Variants in MAST4 observed in about 807,000 individuals in gnomAD.
MAST4 encodes the protein microtubule-associated serine/threonine-protein kinase 4.
MAST4 carries 89 observed loss-of-function variants against 162.7 expected under a neutral mutation model. The ratio of observed to expected loss-of-function variants is 0.55; its 90% CI spans 0.46 to 0.65. MAST4 has a LOEUF of 0.65. Ranked by LOEUF, MAST4 falls within the 30% of genes least tolerant of loss-of-function variation. The pLI is 0.00. For missense variants in MAST4, 3,153 were observed against 3,374.0 expected (o/e 0.93, Z 1.62); for synonymous variants, 1,479 against 1,361.1 (o/e 1.09, Z -1.91).
chr5:67,152,496 A>G (rs1771952628), intron 24 of MAST4, 141 bp from the exon 25 acceptor site: 5 of 663,828 alleles, frequency 7.5e-6, no homozygotes, highest in African/African-American at 7.2e-5. Flanking sequence ...GTATTATTTC[A>G]TCTTCATTTT....
intron 14 of MAST4, among the ~76,000 whole-genome samples, chr5:67,124,412 T>TTC (rs1198468929): frequency 6.6e-6 from 1 of 152,194 alleles, no homozygotes; most frequent in African/African-American, 2.4e-5. Context: ...CTCTTCTTGT[T>TTC]TCTCTCTGTC....
chr5:66,824,168 T>C (rs1757129366), intron 3 of MAST4, among the ~76,000 whole-genome samples: 3 of 152,250 alleles, frequency 2.0e-5, no homozygotes, highest in Admixed American at 6.5e-5. Flanking sequence ...ACTTTATGGC[T>C]GTCTACCTTG....
At chr5:66,986,386 A>G in intron 4 of MAST4, 2 of 1,192,136 alleles carry the variant, frequency 1.7e-6, no homozygotes, top group Non-Finnish European at 2.4e-6. Context: ...TTTATTTTAG[A>G]AAGAAAATCT....
intron 3 of MAST4, among the ~76,000 whole-genome samples, chr5:66,823,197 C>T (rs561985479): frequency 6.6e-6 from 1 of 152,288 alleles, no homozygotes; most frequent in East Asian, 1.9e-4. Flanking sequence ...CCTGAGGCCT[C>T]CCCAGCCATG....
At chr5:66,600,923 T>TA (rs1342423390) in intron 1 of MAST4, among the ~76,000 whole-genome samples, 1 of 152,238 alleles carries the variant, frequency 6.6e-6, no homozygotes, top group Non-Finnish European at 1.5e-5. Context: ...AACCCATGTA[T>TA]ACTCTGCTAC....
intron 3 of MAST4, among the ~76,000 whole-genome samples, chr5:66,850,988 A>G (rs370058720): frequency 4.3e-5 from 6 of 138,736 alleles, no homozygotes; most frequent in Non-Finnish European, 9.2e-5. Context: ...TTCTCTTATA[A>G]TGGAGAGAGG....
intron 1 of MAST4, among the ~76,000 whole-genome samples, chr5:66,726,731 C>A (rs780639238): frequency 1.3e-5 from 2 of 152,214 alleles, no homozygotes; most frequent in South Asian, 4.2e-4. Context: ...ATCACCTGAG[C>A]TCTGCCTCCT....
At position 67,145,238 on chromosome 5, in the gene MAST4, G is replaced by A. The variant is rs1561162361; in HGVS notation, c.2953G>A (p.Gly985Arg). The A allele has an allele frequency of 6.2e-7, 1 of 1,613,782 alleles. No individual in the cohort carries two copies. Among genetic ancestry groups the A allele is most frequent in the Non-Finnish European group, 8.5e-7 (1 of 1,179,806 alleles). ...TCCCAAACTGGCTATTTCAACAGAG[G>A]GAGAGCAAGATGAAGCTGCCTCCTG... ...LLPKLAISTE[G>R]EQDEAASCPG... The change falls in exon 23 of 29, where the codon GGA (glycine) becomes AGA (arginine). Residue 985 changes from glycine to arginine, a missense_variant. Around this residue, in one of 7 missense-constraint regions of MAST4, gnomAD observed 619 missense variants for 744.2 expected, o/e 0.83. Coordinates refer to ENST00000403625, the MANE Select transcript of MAST4 (RefSeq NM_001164664.2).
At position 66,684,867 on chromosome 5, in the gene MAST4, G is replaced by A. The variant is rs559861666; in HGVS notation, c.364-74842G>A. 9.2e-5 allele frequency among the ~76,000 whole-genome samples: 14 copies of A among 152,316 alleles called. 1 individual carries two copies. The South Asian group carries it at 2.9e-3, about 32-fold the overall frequency. On this transcript the variant is annotated intron_variant, in intron 1 of 28. Coordinates refer to ENST00000403625, the MANE Select transcript of MAST4 (RefSeq NM_001164664.2). ...TCAGCACCTGCTGCTCAGCGCTTGT[G>A]GGAGGTAAAAGGGTGTGATGCTGAC...
At chr5:66,939,488 CA>C (rs1743134951) in intron 4 of MAST4, among the ~76,000 whole-genome samples, 1 of 152,078 alleles carries the variant, frequency 6.6e-6, no homozygotes, top group Non-Finnish European at 1.5e-5. Context: ...ATTTCACTAA[CA>C]ACGTTTTACC....
chr5:66,811,748 A>G (rs1756489064), intron 3 of MAST4, among the ~76,000 whole-genome samples: 1 of 152,206 alleles, frequency 6.6e-6, no homozygotes, highest in South Asian at 2.1e-4. Context: ...AATGAAAATG[A>G]GTTTGACCTG....
chr5:67,059,627 A>G (rs1160124067), intron 5 of MAST4, among the ~76,000 whole-genome samples: 2 of 152,210 alleles, frequency 1.3e-5, no homozygotes, highest in Non-Finnish European at 2.9e-5. Flanking sequence ...CCTGTTGGCC[A>G]AAATACCTAT....
chr5:66,858,006 G>C (rs539916266), intron 3 of MAST4, among the ~76,000 whole-genome samples: 1 of 151,742 alleles, frequency 6.6e-6, no homozygotes, highest in South Asian at 2.1e-4. Context: ...ACCCAGGCTG[G>C]AGTGCAGTGG....
chr5:66,991,770 A>G (rs39664), intron 4 of MAST4, among the ~76,000 whole-genome samples: 124,671 of 152,180 alleles, frequency 0.82, 51,175 homozygotes, highest in East Asian at 0.87. Context: ...GCCACTCTAG[A>G]TGTTAAATGT....
At chr5:67,132,563 GT>G (rs1769119555) in intron 16 of MAST4, among the ~76,000 whole-genome samples, 1 of 151,986 alleles carries the variant, frequency 6.6e-6, no homozygotes, top group South Asian at 2.1e-4. Context: ...GTTACTCACA[GT>G]TTAATTTTTT....
chr5:67,014,747 A>T (rs954018373), intron 4 of MAST4, among the ~76,000 whole-genome samples: 6 of 152,228 alleles, frequency 3.9e-5, no homozygotes, highest in African/African-American at 7.2e-5. Context: ...ACTGCTTTTA[A>T]TGCTATTTTA....
chr5:67,141,370 T>G (rs966955285), intron 19 of MAST4, among the ~76,000 whole-genome samples: 77 of 152,204 alleles, frequency 5.1e-4, no homozygotes, highest in African/African-American at 1.8e-3. Context: ...GCTATGATAT[T>G]ATAACATGTA....
At chr5:66,659,855 T>C (rs1441836243) in intron 1 of MAST4, among the ~76,000 whole-genome samples, 1 of 152,164 alleles carries the variant, frequency 6.6e-6, no homozygotes, top group Non-Finnish European at 1.5e-5. Flanking sequence ...GACAAGACAT[T>C]TGTTCTGGGT....
chr5:67,129,935 T>C (rs931516239), intron 14 of MAST4, among the ~76,000 whole-genome samples: 10 of 152,190 alleles, frequency 6.6e-5, no homozygotes, highest in African/African-American at 2.4e-4. Context: ...ATAGGTCACT[T>C]TGGGGACTGC....
Sources: allele counts gnomAD v4.1 joint callset (sites outside exome capture counted in the v4.1 genomes callset), GRCh38; gene constraint gnomAD v4.1.1; regional missense constraint gnomAD v4.1.1; transcripts MANE v1.5; gene names NCBI Gene and HGNC (gene_info 2026-07-23, HGNC 2026-07-21).